The following ASAP2 variants were observed in gnomAD, a reference collection of about 807,000 sequenced individuals.
ASAP2 encodes the protein ArfGAP with SH3 domain, ankyrin repeat and PH domain 2, also known as arf-GAP with SH3 domain, ANK repeat and PH domain-containing protein 2.
In ASAP2, 45 loss-of-function variants were observed where a neutral mutation model predicts 131.4. The ratio of observed to expected loss-of-function variants is 0.34; its 90% CI spans 0.27 to 0.44. The LOEUF is 0.44. Among genes scored for constraint, ASAP2 ranks in the 20% least tolerant of loss-of-function variants. The pLI is 1.00. For missense variants in ASAP2, 1,011 were observed against 1,297.0 expected, an observed-to-expected ratio of 0.78 and a Z score of 3.39; for synonymous variants, 510 against 503.0, an observed-to-expected ratio of 1.01 and a Z score of -0.19.
intron 2 of ASAP2, among the ~76,000 whole-genome samples, chr2:9,294,418 A>G (rs1169754872): frequency 1.3e-5 from 2 of 152,152 alleles, no homozygotes; most frequent in Non-Finnish European, 2.9e-5. Flanking sequence ...AAAGTCTACT[A>G]TCAGTGAGAA....
At chr2:9,254,445 C>T (rs62121270) in intron 1 of ASAP2, among the ~76,000 whole-genome samples, 30,370 of 142,050 alleles carry the variant, frequency 0.21, 3,520 homozygotes, top group Non-Finnish European at 0.25. Flanking sequence ...CTCTGTCTCC[C>T]GGGTTCAAGC....
intron 3 of ASAP2, among the ~76,000 whole-genome samples, chr2:9,317,390 A>G (rs1003447889): frequency 3.3e-5 from 5 of 150,112 alleles, no homozygotes; most frequent in Non-Finnish European, 5.9e-5. Flanking sequence ...ACATCCACAC[A>G]CACACCCTCA....
intron 10 of ASAP2, 25 bp from the exon 11 acceptor site, chr2:9,344,706 A>G: frequency 6.2e-7 from 1 of 1,613,652 alleles, no homozygotes; most frequent in Non-Finnish European, 8.5e-7. Flanking sequence ...CTAAACTCTT[A>G]TTGTTTCTCC....
In ASAP2 at chr2:9,382,683, A is replaced by G. The variant is rs117714731; in HGVS notation, c.2016+1875A>G. On this transcript the variant is annotated intron_variant, in intron 20 of 27. Coordinates refer to ENST00000281419, the MANE Select transcript of ASAP2 (RefSeq NM_003887.3). ...GCTGATCAGCATCCTTTAGATCTCAAATATCCTTTGCCTGTTGTTTTGGGG... is the reference window on the plus strand; with the variant it reads ...GCTGATCAGCATCCTTTAGATCTCAGATATCCTTTGCCTGTTGTTTTGGGG... 3.5e-3 allele frequency among the ~76,000 whole-genome samples: 526 copies of G among 152,246 alleles called. 8 individuals carry two copies. Among genetic ancestry groups the G allele is most frequent in the Admixed American group, 0.021 (321 of 15,292 alleles).
At chr2:9,345,853 G>A (rs2148610956) in intron 11 of ASAP2, among the ~76,000 whole-genome samples, 1 of 152,248 alleles carries the variant, frequency 6.6e-6, no homozygotes, top group South Asian at 2.1e-4. Context: ...AGGGAATAGA[G>A]TAAAACCCCA....
intron 3 of ASAP2, among the ~76,000 whole-genome samples, chr2:9,316,497 G>A (rs1409986181): frequency 2.0e-5 from 3 of 152,146 alleles, no homozygotes; most frequent in Non-Finnish European, 4.4e-5. Context: ...CTCTGGGCCT[G>A]TAATCTAGAA....
chr2:9,397,187 C>A (rs990890336), intron 24 of ASAP2, among the ~76,000 whole-genome samples: 3 of 152,168 alleles, frequency 2.0e-5, no homozygotes, highest in Non-Finnish European at 4.4e-5. Context: ...CTGGGATTTA[C>A]GCTTTCCATG....
chr2:9,250,620 C>T (rs1443724409), intron 1 of ASAP2, among the ~76,000 whole-genome samples: 1 of 152,150 alleles, frequency 6.6e-6, no homozygotes, highest in African/African-American at 2.4e-5. Context: ...GCCGAGGCCA[C>T]AAGTAACTAT....
At chr2:9,231,475 G>C (rs563440751) in intron 1 of ASAP2, among the ~76,000 whole-genome samples, 2 of 152,174 alleles carry the variant, frequency 1.3e-5, no homozygotes, top group African/African-American at 4.8e-5. Context: ...CTACCCGTTC[G>C]CTGAGATGCC....
At chr2:9,384,261 C>T (rs1675090420) in intron 20 of ASAP2, among the ~76,000 whole-genome samples, 1 of 152,162 alleles carries the variant, frequency 6.6e-6, no homozygotes, top group South Asian at 2.1e-4. Context: ...TAAATTCTTC[C>T]CATGGTTAGC....
intron 5 of ASAP2, among the ~76,000 whole-genome samples, chr2:9,321,868 T>G (rs1262370335): frequency 2.0e-5 from 3 of 152,144 alleles, no homozygotes; most frequent in Non-Finnish European, 4.4e-5. Flanking sequence ...AAACTTGAAG[T>G]AATTGTAGGA....
At chr2:9,312,578 G>A (rs1446833568) in intron 3 of ASAP2, among the ~76,000 whole-genome samples, 1 of 152,182 alleles carries the variant, frequency 6.6e-6, no homozygotes, top group Non-Finnish European at 1.5e-5. Flanking sequence ...GAAGTTCCAT[G>A]ATGTCTCAGT....
intron 20 of ASAP2, among the ~76,000 whole-genome samples, chr2:9,381,345 C>T (rs1374587425): frequency 6.6e-6 from 1 of 152,204 alleles, no homozygotes; most frequent in East Asian, 1.9e-4. Flanking sequence ...TAGGCTGTTT[C>T]CTTATTTCTA....
At chr2:9,396,790 C>CCAAGAGTT (rs1572635362) in intron 24 of ASAP2, among the ~76,000 whole-genome samples, 1 of 152,138 alleles carries the variant, frequency 6.6e-6, no homozygotes, top group East Asian at 1.9e-4. Flanking sequence ...TCACTTGAAG[C>CCAAGAGTT]CAAGAGTTCA....
intron 3 of ASAP2, among the ~76,000 whole-genome samples, chr2:9,317,142 A>G (rs1234445573): frequency 3.9e-5 from 3 of 77,340 alleles, no homozygotes; most frequent in Non-Finnish European, 9.6e-5. Flanking sequence ...CACACATCCC[A>G]ATCACACCCA....
chr2:9,312,401 C>T (rs1669360298), intron 3 of ASAP2, among the ~76,000 whole-genome samples: 1 of 152,190 alleles, frequency 6.6e-6, no homozygotes, highest in Admixed American at 6.5e-5. Flanking sequence ...ACTGCCACGG[C>T]TGGCAGGGCC....
At chr2:9,326,782 C>A (rs1368602674) in intron 6 of ASAP2, among the ~76,000 whole-genome samples, 2 of 152,186 alleles carry the variant, frequency 1.3e-5, no homozygotes, top group African/African-American at 4.8e-5. Flanking sequence ...TGTATGGATG[C>A]ACCATATGTT....
At chr2:9,253,795 C>G (rs1216346926) in intron 1 of ASAP2, among the ~76,000 whole-genome samples, 1 of 152,054 alleles carries the variant, frequency 6.6e-6, no homozygotes, top group Non-Finnish European at 1.5e-5. Context: ...AGAGTAAGTT[C>G]CCCCTTAGCT....
chr2:9,256,178 AAAAG>A (rs1462555423), intron 1 of ASAP2, among the ~76,000 whole-genome samples: 2,786 of 150,858 alleles, frequency 0.018, 53 homozygotes, highest in Admixed American at 0.07. Context: ...AAAAAAAAAA[AAAAG>A]AAAGCAAGTA....
Sources: gnomAD v4.1 joint callset for allele counts (sites outside exome capture counted in the v4.1 genomes callset) on GRCh38, gnomAD v4.1.1 for gene constraint, MANE v1.5 for transcripts, NCBI Gene and HGNC (gene_info 2026-07-23, HGNC 2026-07-21) for gene names.